Variants in UBE3D observed in about 807,000 individuals in gnomAD.
UBE3D encodes ubiquitin protein ligase E3D, also known as E3 ubiquitin-protein ligase E3D.
A neutral mutation model predicts 49.6 loss-of-function variants in UBE3D; 48 were observed. The observed-to-expected ratio is 0.97, with a 90% CI of 0.77 to 1.23. The LOEUF is 1.23. Among genes scored for constraint, UBE3D ranks in the 50% most tolerant of loss-of-function variants. UBE3D has a pLI of 0.00. For missense variants in UBE3D, 452 were observed against 468.4 expected (o/e 0.96, Z 0.32); for synonymous variants, 189 against 174.2 (o/e 1.08, Z -0.67).
At chr6:82,895,233 C>T (rs1356459896) in intron 9 of UBE3D, among the ~76,000 whole-genome samples, 1 of 152,110 alleles carries the variant, frequency 6.6e-6, no homozygotes, top group Non-Finnish European at 1.5e-5. Context: ...ATCACTTGAA[C>T]CCATATGGTA....
At chr6:83,044,117 G>A (rs1450869954) in intron 4 of UBE3D, among the ~76,000 whole-genome samples, 1 of 152,232 alleles carries the variant, frequency 6.6e-6, no homozygotes, top group East Asian at 1.9e-4. Flanking sequence ...AGGATAAAAT[G>A]CACACAAATT....
chr6:83,057,948 C>G lies in UBE3D; in HGVS notation c.152G>C (p.Gly51Ala), dbSNP rs925702494. Residue 51 changes from glycine to alanine, a missense_variant, in exon 2 of 10, where the codon GGC becomes GCC. Coordinates refer to ENST00000369747, the MANE Select transcript of UBE3D (RefSeq NM_198920.3). ...PSSLQMKTPE[G>A]CTEIQLPAEV... ...TGCTGGAAGCTGGATTTCTGTGCAG[C>G]CTTCAGGGGTTTTCATCTGGAGTGA... 6.2e-7 allele frequency: 1 copy of G among 1,614,154 alleles called. No homozygotes were observed. Among genetic ancestry groups the G allele is most frequent in the Non-Finnish European group, 8.5e-7 (1 of 1,180,028 alleles).
chr6:83,032,105 C>T lies in UBE3D; in HGVS notation c.667+6311G>A. 6.8e-6 allele frequency: 3 copies of T among 441,734 alleles called. No individual in the cohort carries two copies. The East Asian group carries it at 2.1e-4, about 31-fold the overall frequency. 27.4% of individuals were successfully genotyped at this position (441,734 alleles called of 1,614,324 possible). On this transcript the variant is annotated intron_variant, in intron 5 of 9. Transcript: ENST00000369747. ...ATGTAGAGTCCCCACTGTGGCACTG[C>T]CTGGTGGAGCTGTGAGAAGAGGGTC... is the stretch of plus-strand genomic sequence containing the variant.
At chr6:82,935,372 C>A (rs570282437) in intron 9 of UBE3D, among the ~76,000 whole-genome samples, 1 of 152,024 alleles carries the variant, frequency 6.6e-6, no homozygotes, top group Non-Finnish European at 1.5e-5. Flanking sequence ...TCCCACCAGG[C>A]CCCACCCACC....
At chr6:82,988,315 G>T (rs982876090) in intron 8 of UBE3D, among the ~76,000 whole-genome samples, 3 of 152,094 alleles carry the variant, frequency 2.0e-5, no homozygotes, top group African/African-American at 4.8e-5. Context: ...TAAGAAAATT[G>T]ATTTTTATTA....
intron 2 of UBE3D, among the ~76,000 whole-genome samples, chr6:83,055,985 T>C (rs1783791610): frequency 6.6e-6 from 1 of 152,226 alleles, no homozygotes; most frequent in African/African-American, 2.4e-5. Context: ...TACTCTTTCA[T>C]GCACTATGGA....
chr6:82,910,556 C>T (rs1042571645), intron 9 of UBE3D, among the ~76,000 whole-genome samples: 2 of 152,182 alleles, frequency 1.3e-5, no homozygotes, highest in African/African-American at 2.4e-5. Context: ...CTGCTCTGTA[C>T]TGCCTCACAA....
At chr6:82,968,702 T>C (rs1011124780) in intron 8 of UBE3D, among the ~76,000 whole-genome samples, 3 of 152,168 alleles carry the variant, frequency 2.0e-5, no homozygotes, top group African/African-American at 4.8e-5. Context: ...CTGCCAACAG[T>C]GAACTAACAG....
At chr6:82,916,778 T>C (rs1216694827) in intron 9 of UBE3D, among the ~76,000 whole-genome samples, 1 of 152,216 alleles carries the variant, frequency 6.6e-6, no homozygotes, top group Non-Finnish European at 1.5e-5. Flanking sequence ...TGCTTTCAGC[T>C]GAAGGTACAA....
chr6:82,966,478 G>A lies in UBE3D; in HGVS notation c.1011-9028C>T, dbSNP rs1223030693. On this transcript the variant is annotated intron_variant, in intron 8 of 9. Transcript: ENST00000369747. ...ATCCCGGCTAAAACGGTGAAACCCCGTCTCTACTAAAAATACAAAAAATTA... is the reference window on the plus strand; with the variant it reads ...ATCCCGGCTAAAACGGTGAAACCCCATCTCTACTAAAAATACAAAAAATTA... Among the ~76,000 whole-genome samples, 2 of 97,510 alleles carry A rather than the reference G, an allele frequency of 2.1e-5. 1 individual carries two copies. Among genetic ancestry groups the A allele is most frequent in the African/African-American group, 9.8e-5 (2 of 20,438 alleles). The allele number at this position is 97,510 out of a possible 152,430, so 64.0% of individuals were successfully genotyped here. A position where few individuals can be genotyped will look rare whatever the true frequency, so the allele number is the denominator to read the frequency against.
At chr6:82,914,552 A>G (rs1772772310) in intron 9 of UBE3D, among the ~76,000 whole-genome samples, 1 of 152,178 alleles carries the variant, frequency 6.6e-6, no homozygotes, top group Non-Finnish European at 1.5e-5. Context: ...GGCGTCAAGC[A>G]GGGCAGCTTT....
intron 8 of UBE3D, among the ~76,000 whole-genome samples, chr6:82,970,299 G>T (rs1777251818): frequency 6.6e-6 from 1 of 151,376 alleles, no homozygotes; most frequent in Non-Finnish European, 1.5e-5. Context: ...AATAAATCTT[G>T]CCAAAAACTC....
chr6:82,985,649 A>G (rs1242969406), intron 8 of UBE3D, among the ~76,000 whole-genome samples: 2 of 152,328 alleles, frequency 1.3e-5, no homozygotes, highest in African/African-American at 4.8e-5. Context: ...GGCATCAGCC[A>G]CTGCACCCGG....
intron 9 of UBE3D, among the ~76,000 whole-genome samples, chr6:82,904,881 A>G (rs1771988567): frequency 6.6e-6 from 1 of 152,188 alleles, no homozygotes; most frequent in Non-Finnish European, 1.5e-5. Context: ...AGCATTTTCA[A>G]ATATAAGAAT....
chr6:83,027,458 A>AAAAAAAAAAG (rs571635643), intron 5 of UBE3D, among the ~76,000 whole-genome samples: 11 of 147,462 alleles, frequency 7.5e-5, no homozygotes, highest in African/African-American at 2.5e-4. Context: ...AAAAAAAAAA[A>AAAAAAAAAAG]AAAGAAACCA....
At chr6:82,992,216 CTTTTTTTT>C (rs386407755) in intron 8 of UBE3D, among the ~76,000 whole-genome samples, 2 of 96,748 alleles carry the variant, frequency 2.1e-5, no homozygotes, top group African/African-American at 4.1e-5. Flanking sequence ...ATCTGCATTC[CTTTTTTTT>C]TTTTTTTTTT....
downstream of UBE3D, among the ~76,000 whole-genome samples, chr6:82,892,247 T>C (rs1230486266): frequency 1.3e-5 from 2 of 152,156 alleles, no homozygotes; most frequent in Non-Finnish European, 2.9e-5. Context: ...TGATCCTAGC[T>C]GTGTGATTCT....
chr6:83,055,164 C>T (rs915557988), intron 2 of UBE3D, among the ~76,000 whole-genome samples: 1 of 152,056 alleles, frequency 6.6e-6, no homozygotes, highest in Non-Finnish European at 1.5e-5. Flanking sequence ...ATTTCTCACA[C>T]TATGGGAAAG....
intron 9 of UBE3D, among the ~76,000 whole-genome samples, chr6:82,944,659 C>A (rs1582425125): frequency 6.6e-6 from 1 of 152,206 alleles, no homozygotes; most frequent in East Asian, 1.9e-4. Context: ...AAAGCAGGTT[C>A]TTTGGTCCCT....
Sources: allele counts gnomAD v4.1 joint callset (sites outside exome capture counted in the v4.1 genomes callset), GRCh38; gene constraint gnomAD v4.1.1; transcripts MANE v1.5; gene names NCBI Gene and HGNC (gene_info 2026-07-23, HGNC 2026-07-21).